Variants in ANKRD44 observed in about 807,000 individuals in gnomAD.
ANKRD44 encodes the protein ankyrin repeat domain 44.
ANKRD44 carries 35 observed loss-of-function variants against 116.0 expected under a neutral mutation model. That is an observed-to-expected ratio of 0.30 (90% CI 0.23 to 0.40). ANKRD44 has a LOEUF of 0.40. Ranked by LOEUF, ANKRD44 falls within the 10% of genes least tolerant of loss-of-function variation. The pLI, the probability that ANKRD44 is intolerant of heterozygous loss-of-function variation, is 1.00. For missense variants in ANKRD44, 1,014 were observed against 1,242.6 expected (o/e 0.82, Z 2.77); for synonymous variants, 435 against 461.8 (o/e 0.94, Z 0.74).
chr2:197,186,963 A>G lies in ANKRD44; in HGVS notation c.111+60T>C, dbSNP rs1173027823. The G allele has an allele frequency of 3.5e-6, 5 of 1,430,218 alleles. No homozygotes were observed. The Admixed American group carries it at 6.7e-5, about 19-fold the overall frequency. The allele number at this position is 1,430,218 out of a possible 1,614,324, so 88.6% of individuals were successfully genotyped here. A position where few individuals can be genotyped will look rare whatever the true frequency, so the allele number is the denominator to read the frequency against. ...AGAGTCCATGGTATATAAAAGGTTA[A>G]GAGTCCTTTCCTGCTCCAGGCTAAC... On this transcript the variant is annotated intron_variant, in intron 2 of 27. Transcript: ENST00000282272.
At chr2:197,200,706 G>A (rs954216001) in intron 1 of ANKRD44, among the ~76,000 whole-genome samples, 14 of 152,262 alleles carry the variant, frequency 9.2e-5, no homozygotes, top group Admixed American at 7.2e-4. Context: ...AGTCATTTAA[G>A]CTGCTCCTGC....
chr2:197,305,056 G>A (rs1164237539), intron 1 of ANKRD44, among the ~76,000 whole-genome samples: 3 of 152,160 alleles, frequency 2.0e-5, no homozygotes, highest in Non-Finnish European at 2.9e-5. Context: ...ACGTCTATTT[G>A]TGGCTTCATA....
At chr2:197,135,943 TCCTC>T (rs1165796038) in intron 4 of ANKRD44, 1 of 153,296 alleles carries the variant, frequency 6.5e-6, no homozygotes, top group Non-Finnish European at 1.5e-5. Context: ...TTACTGGCGC[TCCTC>T]CCTGAGACCT....
Position 197,001,777 on chromosome 2 carries a change from G to A in ANKRD44, c.2411C>T (p.Pro804Leu), listed in dbSNP as rs2076120092. 1 of 1,613,126 alleles carries A rather than the reference G, an allele frequency of 6.2e-7. No individual in the cohort carries two copies. Among genetic ancestry groups the A allele is most frequent in the Non-Finnish European group, 8.5e-7 (1 of 1,179,368 alleles). The change falls in exon 22 of 28, where the codon CCC (proline) becomes CTC (leucine). Residue 804 changes from proline to leucine, a missense_variant. Transcript: ENST00000282272. ...CATTGCACAGTGCAGTGGAGTAAAGGGATTACCGATAAATTTGCGAAAACA... is the reference window on the plus strand; with the variant it reads ...CATTGCACAGTGCAGTGGAGTAAAGAGATTACCGATAAATTTGCGAAAACA... ...QKCFRKFIGNPFTPLHCAIIN... is the reference protein window; with the variant it reads ...QKCFRKFIGNLFTPLHCAIIN...
chr2:197,120,017 CCTCAA>C (rs2078815430), intron 8 of ANKRD44, among the ~76,000 whole-genome samples: 1 of 152,136 alleles, frequency 6.6e-6, no homozygotes, highest in African/African-American at 2.4e-5. Flanking sequence ...CTCTATCCCT[CCTCAA>C]CTCAACTACA....
rs13005801 is a variant in ANKRD44, at chr2:197,006,997, G to T, written c.2130+809C>A. Among the ~76,000 whole-genome samples the T allele has an allele frequency of 4.0e-5, 6 of 151,778 alleles. No homozygotes were observed. The East Asian group carries it at 5.8e-4, about 15-fold the overall frequency. On this transcript the variant is annotated intron_variant, in intron 20 of 27. Transcript: ENST00000282272. ...GCATGCACCTGTGGTCCCAGTTACT[G>T]GGGGGAGTTGAGGTGGGAGGATCAT... is the stretch of plus-strand genomic sequence containing the variant.
chr2:197,149,868 C>T (rs942357618), intron 2 of ANKRD44, among the ~76,000 whole-genome samples: 18 of 152,016 alleles, frequency 1.2e-4, no homozygotes, highest in Admixed American at 1.1e-3. Flanking sequence ...TTGCCATAAG[C>T]TAAACTAATG....
At chr2:197,156,477 A>T (rs1378294751) in intron 2 of ANKRD44, among the ~76,000 whole-genome samples, 1 of 152,258 alleles carries the variant, frequency 6.6e-6, no homozygotes, top group Non-Finnish European at 1.5e-5. Flanking sequence ...ATGTGGAGGA[A>T]CTATAACATT....
chr2:197,089,160 G>C (rs184178855), intron 11 of ANKRD44, among the ~76,000 whole-genome samples: 3 of 152,276 alleles, frequency 2.0e-5, no homozygotes, highest in Middle Eastern at 3.4e-3. Flanking sequence ...TTTTTCTGAA[G>C]TGTATTTCAA....
chr2:197,217,943 T>C (rs10179253), intron 1 of ANKRD44, among the ~76,000 whole-genome samples: 1,854 of 152,300 alleles, frequency 0.012, 32 homozygotes, highest in African/African-American at 0.041. Flanking sequence ...TTCACTCCTG[T>C]ACTGAAACAT....
At chr2:197,145,160 ACG>A (rs2079465699) in intron 3 of ANKRD44, among the ~76,000 whole-genome samples, 1 of 152,092 alleles carries the variant, frequency 6.6e-6, no homozygotes, top group South Asian at 2.1e-4. Context: ...GCGTGGTGGC[ACG>A]CGCCTGTGGT....
intron 4 of ANKRD44, 104 bp downstream of exon 4, chr2:197,136,488 A>C (rs1241870859): frequency 3.8e-6 from 4 of 1,041,596 alleles, no homozygotes; most frequent in Non-Finnish European, 5.9e-6. Context: ...CTTACATTAG[A>C]GGTAAAAGCC....
intron 2 of ANKRD44, among the ~76,000 whole-genome samples, chr2:197,176,920 TATA>T (rs56232373): frequency 1.1e-4 from 16 of 150,672 alleles, no homozygotes; most frequent in African/African-American, 1.7e-4. Context: ...GTTTCAAGGG[TATA>T]ATAATAATAA....
chr2:197,225,409 T>A (rs186293393), intron 1 of ANKRD44, among the ~76,000 whole-genome samples: 24 of 152,310 alleles, frequency 1.6e-4, no homozygotes, highest in East Asian at 1.9e-4. Context: ...AGTGGCGCAA[T>A]CTCAGCTTAC....
chr2:197,165,403 A>G (rs1391278218), intron 2 of ANKRD44, among the ~76,000 whole-genome samples: 1 of 152,224 alleles, frequency 6.6e-6, no homozygotes, highest in Admixed American at 6.5e-5. Context: ...AGTGAACAAA[A>G]TCTAATCCTT....
At chr2:197,094,633 C>A (rs2078120380) in intron 10 of ANKRD44, among the ~76,000 whole-genome samples, 2 of 152,200 alleles carry the variant, frequency 1.3e-5, no homozygotes, top group Admixed American at 1.3e-4. Flanking sequence ...AGTGTCCCAG[C>A]AAAGTGGGAT....
chr2:197,222,287 A>G (rs1291314933), intron 1 of ANKRD44, among the ~76,000 whole-genome samples: 1 of 152,170 alleles, frequency 6.6e-6, no homozygotes, highest in Admixed American at 6.5e-5. Flanking sequence ...GTAGGGAAGG[A>G]GGCTTCTAAA....
chr2:197,025,730 G>A (rs1375774259), intron 16 of ANKRD44, among the ~76,000 whole-genome samples: 3 of 152,234 alleles, frequency 2.0e-5, no homozygotes, highest in Non-Finnish European at 4.4e-5. Context: ...TGACTGACAG[G>A]CTGCTTTACA....
chr2:197,162,967 T>C (rs1247453207), intron 2 of ANKRD44, among the ~76,000 whole-genome samples: 1 of 152,230 alleles, frequency 6.6e-6, no homozygotes, highest in Non-Finnish European at 1.5e-5. Context: ...TGCAGGTTTC[T>C]GTGGTGAGAC....
Sources: gnomAD v4.1 joint callset for allele counts (sites outside exome capture counted in the v4.1 genomes callset) on GRCh38, gnomAD v4.1.1 for gene constraint, MANE v1.5 for transcripts, NCBI Gene and HGNC (gene_info 2026-07-23, HGNC 2026-07-21) for gene names.